GALNTL6: variants seen among roughly 807,000 people sequenced by gnomAD.
GALNTL6 encodes the protein polypeptide N-acetylgalactosaminyltransferase-like 6.
GALNTL6 carries 46 observed loss-of-function variants against 73.7 expected under a neutral mutation model. That is an observed-to-expected ratio of 0.62 (90% CI 0.49 to 0.80). GALNTL6 has a LOEUF of 0.80. Ranked by LOEUF, GALNTL6 falls within the 30% of genes least tolerant of loss-of-function variation. The probability of loss-of-function intolerance (pLI) is 0.00; values close to 1 mark genes in which losing one functional copy is unlikely to be tolerated. For synonymous variants in GALNTL6, 259 were observed against 263.7 expected (o/e 0.98, Z 0.17); for missense variants, 604 against 755.0 (o/e 0.80, Z 2.34).
chr4:172,708,005 T>C (rs934995134), intron 5 of GALNTL6, among the ~76,000 whole-genome samples: 1 of 152,138 alleles, frequency 6.6e-6, no homozygotes, highest in Non-Finnish European at 1.5e-5. Context: ...TGGTCAAGGA[T>C]AGATCCTTGT....
At chr4:172,419,034 C>G (rs1222689134) in intron 5 of GALNTL6, among the ~76,000 whole-genome samples, 1 of 151,940 alleles carries the variant, frequency 6.6e-6, no homozygotes, top group African/African-American at 2.4e-5. Flanking sequence ...GACCTTTTAT[C>G]CCTTGAGAAC....
intron 4 of GALNTL6, among the ~76,000 whole-genome samples, chr4:172,319,783 G>T (rs190948643): frequency 3.3e-5 from 5 of 152,256 alleles, no homozygotes; most frequent in Admixed American, 3.3e-4. Flanking sequence ...TTGATCCCTG[G>T]TGAAGTTGGT....
chr4:172,401,102 CAA>C lies in GALNTL6; in HGVS notation c.553+52415_553+52416del, dbSNP rs34250451. On this transcript the variant is annotated intron_variant, in intron 5 of 12. Transcript: ENST00000506823. ...CTCGGGTAATTCTCTTCTCCTTTTG[CAA>C]AGTTTCATTATTCCTTGTTAACTTT... Among the ~76,000 whole-genome samples the C allele has an allele frequency of 3.2e-4, 48 of 152,168 alleles. No homozygotes were observed. In the East Asian group the frequency reaches 7.4e-3, roughly 23 times the overall value.
Position 173,008,555 on chromosome 4 carries a change from A to G in GALNTL6, c.1372-623A>G, listed in dbSNP as rs1461469167. On this transcript the variant is annotated intron_variant, in intron 10 of 12. Coordinates refer to ENST00000506823, the MANE Select transcript of GALNTL6 (RefSeq NM_001034845.3). ...GTTGCAGCAGAGAAAGAGTTTAATTATAGGGCCGCTAAATGAGGAGACGGG... is the reference window on the plus strand; with the variant it reads ...GTTGCAGCAGAGAAAGAGTTTAATTGTAGGGCCGCTAAATGAGGAGACGGG... 9.2e-5 allele frequency among the ~76,000 whole-genome samples: 14 copies of G among 152,222 alleles called. 1 individual carries two copies. The highest frequency in any genetic ancestry group is 1.5e-5 in the Non-Finnish European group (1 of 68,042).
At chr4:172,755,242 A>ATAGATAGATAGC (rs1455505788) in intron 5 of GALNTL6, among the ~76,000 whole-genome samples, 1 of 150,796 alleles carries the variant, frequency 6.6e-6, no homozygotes, top group Non-Finnish European at 1.5e-5. Context: ...ACAGATATAG[A>ATAGATAGATAGC]TAGATAGATA....
chr4:172,009,776 T>G (rs1284766568), intron 2 of GALNTL6, among the ~76,000 whole-genome samples: 1 of 152,116 alleles, frequency 6.6e-6, no homozygotes, highest in African/African-American at 2.4e-5. Flanking sequence ...TGTGAGTTTT[T>G]GGTACAGTTA....
intron 2 of GALNTL6, among the ~76,000 whole-genome samples, chr4:172,189,923 A>C (rs1299768813): frequency 2.0e-5 from 3 of 152,202 alleles, no homozygotes; most frequent in Non-Finnish European, 4.4e-5. Context: ...TCACTATGCA[A>C]ATATTCCAGC....
chr4:172,455,762 T>C (rs1328542612), intron 5 of GALNTL6, among the ~76,000 whole-genome samples: 1 of 152,166 alleles, frequency 6.6e-6, no homozygotes, highest in Admixed American at 6.5e-5. Context: ...GGGGCAGCTG[T>C]GCACGCAGCT....
intron 5 of GALNTL6, among the ~76,000 whole-genome samples, chr4:172,782,265 T>C (rs11725400): frequency 0.45 from 68,340 of 152,004 alleles, 17,632 homozygotes; most frequent in East Asian, 0.72. Context: ...TATAGGCGTA[T>C]GTTAAATATT....
At chr4:173,036,075 A>C (rs1753684389) in intron 12 of GALNTL6, among the ~76,000 whole-genome samples, 2 of 152,190 alleles carry the variant, frequency 1.3e-5, no homozygotes, top group Non-Finnish European at 2.9e-5. Flanking sequence ...CAGATAAGTA[A>C]CCTGAGGTTC....
intron 2 of GALNTL6, among the ~76,000 whole-genome samples, chr4:172,210,362 C>G (rs577795047): frequency 6.6e-6 from 1 of 152,120 alleles, no homozygotes; most frequent in Admixed American, 6.5e-5. Context: ...TGTCCTTTTT[C>G]TATTCCTACA....
chr4:171,987,221 G>T (rs4048515), intron 2 of GALNTL6, among the ~76,000 whole-genome samples: 85,250 of 151,942 alleles, frequency 0.56, 25,231 homozygotes, highest in South Asian at 0.8. Context: ...GGCTGAGCTT[G>T]GTGAGGTGTG....
intron 5 of GALNTL6, among the ~76,000 whole-genome samples, chr4:172,686,647 G>A (rs144745814): frequency 2.2e-4 from 34 of 152,290 alleles, no homozygotes; most frequent in African/African-American, 7.9e-4. Context: ...AAAACCTTGT[G>A]TATCAAAGCA....
chr4:171,948,545 ACT>A (rs1309633381), intron 2 of GALNTL6, among the ~76,000 whole-genome samples: 1 of 152,102 alleles, frequency 6.6e-6, no homozygotes, highest in Non-Finnish European at 1.5e-5. Flanking sequence ...TAATATTAAC[ACT>A]CTGCAAATAC....
At chr4:172,991,407 T>G (rs1022025987) in intron 10 of GALNTL6, among the ~76,000 whole-genome samples, 1 of 152,136 alleles carries the variant, frequency 6.6e-6, no homozygotes, top group Non-Finnish European at 1.5e-5. Context: ...TTTTTTGTTT[T>G]TTTTGTTTTG....
chr4:172,663,341 G>A (rs1395636469), intron 5 of GALNTL6, among the ~76,000 whole-genome samples: 1 of 152,078 alleles, frequency 6.6e-6, no homozygotes, highest in Admixed American at 6.6e-5. Flanking sequence ...AAATGCAATC[G>A]GACTACCAGC....
At chr4:171,956,086 T>G (rs1739038586) in intron 2 of GALNTL6, among the ~76,000 whole-genome samples, 2 of 151,898 alleles carry the variant, frequency 1.3e-5, no homozygotes, top group South Asian at 4.2e-4. Flanking sequence ...CACTGCAGCC[T>G]GAAACTCTGG....
At chr4:171,913,805 A>ATAT (rs1737539396) in intron 2 of GALNTL6, among the ~76,000 whole-genome samples, 1 of 152,068 alleles carries the variant, frequency 6.6e-6, no homozygotes, top group Admixed American at 6.5e-5. Flanking sequence ...GCAGTACTAC[A>ATAT]TATTATGTTT....
chr4:172,034,399 C>CGTGTGTGTGTGT (rs1209195765), intron 2 of GALNTL6, among the ~76,000 whole-genome samples: 2 of 33,420 alleles, frequency 6.0e-5, no homozygotes, highest in African/African-American at 1.9e-4. Context: ...AGCGTGCGTG[C>CGTGTGTGTGTGT]GTGTGTGTGT....
Sources: gnomAD v4.1 joint callset for allele counts (sites outside exome capture counted in the v4.1 genomes callset) on GRCh38, gnomAD v4.1.1 for gene constraint, MANE v1.5 for transcripts, NCBI Gene and HGNC (gene_info 2026-07-23, HGNC 2026-07-21) for gene names.